TBC1D22A: variants seen among roughly 807,000 people sequenced by gnomAD.
TBC1D22A encodes the protein putative GTPase activator.
A neutral mutation model predicts 60.2 loss-of-function variants in TBC1D22A; 38 were observed. The ratio of observed to expected loss-of-function variants is 0.63; its 90% CI spans 0.49 to 0.83. The LOEUF is 0.83. TBC1D22A is among the 40% of genes least tolerant of loss of function. The pLI is 0.00. For synonymous variants in TBC1D22A, 302 were observed against 281.7 expected (o/e 1.07, Z -0.72); for missense variants, 628 against 701.0 (o/e 0.90, Z 1.18).
At chr22:47,003,905 C>T (rs920622580) in intron 10 of TBC1D22A, among the ~76,000 whole-genome samples, 3 of 140,398 alleles carry the variant, frequency 2.1e-5, no homozygotes, top group African/African-American at 2.8e-5. Flanking sequence ...ACACGCATGC[C>T]TGTATACACA....
chr22:46,974,383 T>A lies in TBC1D22A; in HGVS notation c.1109T>A (p.Leu370Gln). Residue 370 changes from leucine to glutamine, a missense_variant, in exon 9 of 13, where the codon CTG (leucine) becomes CAG (glutamine). By Grantham distance (113) the Leu-to-Gln change is moderately radical. Transcript: ENST00000337137. ...EADTYWCMSKLLDGIQDNYTF... is the reference protein window; with the variant it reads ...EADTYWCMSKQLDGIQDNYTF... ...GACACCTACTGGTGCATGAGCAAGC[T>A]GCTGGATGGCATTCAGGTGAGCGCC... The A allele has an allele frequency of 1.2e-6, 2 of 1,611,324 alleles. 1 individual carries two copies. Among genetic ancestry groups the A allele is most frequent in the Non-Finnish European group, 1.7e-6 (2 of 1,179,006 alleles).
intron 11 of TBC1D22A, among the ~76,000 whole-genome samples, chr22:47,040,982 C>T (rs978551104): frequency 6.6e-6 from 1 of 152,166 alleles, no homozygotes; most frequent in Admixed American, 6.5e-5. Context: ...ACTTACGCTG[C>T]TTTAGAATGG....
At chr22:47,005,277 T>C (rs1264906690) in intron 10 of TBC1D22A, among the ~76,000 whole-genome samples, 1 of 150,778 alleles carries the variant, frequency 6.6e-6, no homozygotes, top group Non-Finnish European at 1.5e-5. Context: ...CACACATGCC[T>C]ATACACATAT....
At chr22:47,039,704 G>GGA (rs778868184) in intron 11 of TBC1D22A, among the ~76,000 whole-genome samples, 3 of 81,442 alleles carry the variant, frequency 3.7e-5, no homozygotes, top group African/African-American at 9.7e-5. Flanking sequence ...TGCATTTCAG[G>GGA]AAAAAAAAAA....
intron 1 of TBC1D22A, among the ~76,000 whole-genome samples, chr22:46,773,196 C>T (rs981197318): frequency 3.9e-5 from 6 of 151,980 alleles, no homozygotes; most frequent in Admixed American, 2.0e-4. Flanking sequence ...AGATCTGCAT[C>T]GTGCAGTGCT....
At chr22:47,059,235 C>T (rs566905625) in intron 11 of TBC1D22A, among the ~76,000 whole-genome samples, 1 of 152,256 alleles carries the variant, frequency 6.6e-6, no homozygotes, top group East Asian at 1.9e-4. Flanking sequence ...GGATTTTCTG[C>T]CAGGGTCCTA....
At chr22:47,026,317 C>T (rs1383631115) in intron 10 of TBC1D22A, among the ~76,000 whole-genome samples, 2 of 152,176 alleles carry the variant, frequency 1.3e-5, no homozygotes, top group African/African-American at 2.4e-5. Flanking sequence ...CCCCCCAAAT[C>T]GGAAACCTGG....
intron 11 of TBC1D22A, among the ~76,000 whole-genome samples, chr22:47,102,671 G>C (rs1057234096): frequency 6.6e-6 from 1 of 152,162 alleles, no homozygotes; most frequent in South Asian, 2.1e-4. Flanking sequence ...TTCTGGGAAA[G>C]CATGCCCTCT....
intron 11 of TBC1D22A, among the ~76,000 whole-genome samples, chr22:47,073,794 A>C (rs2064100188): frequency 6.6e-6 from 1 of 152,150 alleles, no homozygotes; most frequent in South Asian, 2.1e-4. Context: ...CCTTAAAGAC[A>C]CCACCCCATG....
intron 8 of TBC1D22A, among the ~76,000 whole-genome samples, chr22:46,961,265 T>G (rs2073490494): frequency 6.6e-6 from 1 of 152,206 alleles, no homozygotes; most frequent in South Asian, 2.1e-4. Context: ...GTCAAGAACT[T>G]TGGAAAATAT....
intron 7 of TBC1D22A, among the ~76,000 whole-genome samples, chr22:46,903,016 T>G (rs1457671507): frequency 6.6e-6 from 1 of 152,154 alleles, no homozygotes; most frequent in Non-Finnish European, 1.5e-5. Flanking sequence ...CTCTGGAGGG[T>G]CATGCCCAAT....
At chr22:47,066,899 T>TA (rs1037188631) in intron 11 of TBC1D22A, among the ~76,000 whole-genome samples, 10 of 152,270 alleles carry the variant, frequency 6.6e-5, no homozygotes, top group Admixed American at 1.3e-4. Flanking sequence ...CCGTGCCTAT[T>TA]AAAAGGGTTT....
chr22:47,083,121 T>C (rs2064538046), intron 11 of TBC1D22A, among the ~76,000 whole-genome samples: 1 of 152,108 alleles, frequency 6.6e-6, no homozygotes. Flanking sequence ...CGAAAACTAA[T>C]CAAGAGTAAT....
At chr22:46,920,838 TCGGCTCA>T (rs2070714828) in intron 8 of TBC1D22A, among the ~76,000 whole-genome samples, 3 of 151,976 alleles carry the variant, frequency 2.0e-5, no homozygotes, top group Admixed American at 6.6e-5. Flanking sequence ...TCGTGCGATA[TCGGCTCA>T]CTGCAACCTC....
intron 5 of TBC1D22A, among the ~76,000 whole-genome samples, chr22:46,883,924 A>G (rs2067978658): frequency 6.6e-6 from 1 of 152,110 alleles, no homozygotes; most frequent in Admixed American, 6.5e-5. Flanking sequence ...GCTTGGTCTT[A>G]CTTGTCCCAA....
In TBC1D22A at chr22:47,009,927, C is replaced by T. The variant is rs537781404; in HGVS notation, c.1201+12218C>T. On this transcript the variant is annotated intron_variant, in intron 10 of 12. Coordinates refer to ENST00000337137, the MANE Select transcript of TBC1D22A (RefSeq NM_014346.5). This position sits in a 1 kb window ranked among gnomAD's most constrained non-coding sequence, Gnocchi z 5.8. Reference sequence around the variant, plus strand: ...GGGAGGTTGGTTGGAGTGGAAGACACTGGCTGAGTCTGAGTCAGGGGCACC... The same window carrying T: ...GGGAGGTTGGTTGGAGTGGAAGACATTGGCTGAGTCTGAGTCAGGGGCACC... Among the ~76,000 whole-genome samples the T allele has an allele frequency of 6.6e-5, 10 of 152,236 alleles. No individual in the cohort carries two copies. The highest frequency in any genetic ancestry group is 1.0e-4 in the Non-Finnish European group (7 of 68,048).
At chr22:46,906,349 C>T (rs921481435) in intron 7 of TBC1D22A, among the ~76,000 whole-genome samples, 1 of 152,186 alleles carries the variant, frequency 6.6e-6, no homozygotes, top group African/African-American at 2.4e-5. Flanking sequence ...GGAGGGGCTG[C>T]ACAGCTCTGT....
intron 4 of TBC1D22A, among the ~76,000 whole-genome samples, chr22:46,839,254 A>AATG (rs989919243): frequency 5.2e-5 from 7 of 135,634 alleles, no homozygotes; most frequent in African/African-American, 1.8e-4. Flanking sequence ...AATCAAAAAG[A>AATG]ATGAAATATG....
At chr22:46,861,447 C>G (rs1178583983) in intron 4 of TBC1D22A, among the ~76,000 whole-genome samples, 2 of 152,228 alleles carry the variant, frequency 1.3e-5, no homozygotes, top group African/African-American at 4.8e-5. Context: ...GGTTTCTGTC[C>G]TCTGTGAGCA....
Sources: allele counts gnomAD v4.1 joint callset (sites outside exome capture counted in the v4.1 genomes callset), GRCh38; gene constraint gnomAD v4.1.1; non-coding constraint Gnocchi (gnomAD v3.1); transcripts MANE v1.5; gene names NCBI Gene and HGNC (gene_info 2026-07-23, HGNC 2026-07-21).